PAX3: variants seen among roughly 807,000 people sequenced by gnomAD.
PAX3 encodes the protein paired box protein Pax-3.
Under a neutral mutation model 51.6 loss-of-function variants are expected in PAX3, and 14 were observed. The observed-to-expected ratio is 0.27, with a 90% confidence interval of 0.18 to 0.42. PAX3 has a LOEUF of 0.42. Ranked by LOEUF, PAX3 falls within the 10% of genes least tolerant of loss-of-function variation. The pLI, the probability that PAX3 is intolerant of heterozygous loss-of-function variation, is 1.00. For synonymous variants in PAX3, 280 were observed against 253.4 expected (o/e 1.11, Z -1.00); for missense variants, 540 against 642.8 (o/e 0.84, Z 1.73).
intron 4 of PAX3, among the ~76,000 whole-genome samples, chr2:222,290,101 C>A (rs1191098627): frequency 2.0e-5 from 3 of 152,224 alleles, no homozygotes; most frequent in Admixed American, 1.3e-4. Flanking sequence ...GCTCACTAAC[C>A]GGGAAAGAAA....
chr2:222,201,529 A>C (rs1195277186), intron 8 of PAX3, 87 bp from the exon 9 acceptor site: 32 of 1,527,258 alleles, frequency 2.1e-5, no homozygotes, highest in Non-Finnish European at 2.9e-5. Flanking sequence ...ACAATGTCAT[A>C]TTTAATACCG....
At chr2:222,203,359 T>C (rs1287869065) in intron 7 of PAX3, among the ~76,000 whole-genome samples, 1 of 151,998 alleles carries the variant, frequency 6.6e-6, no homozygotes, top group African/African-American at 2.4e-5. Context: ...AAAAGAAATC[T>C]AACGCCAGGT....
intron 4 of PAX3, among the ~76,000 whole-genome samples, chr2:222,240,664 CGTACCTGTTT>C (rs796568219): frequency 2.3e-4 from 35 of 152,254 alleles, no homozygotes; most frequent in African/African-American, 6.5e-4. Flanking sequence ...CCCACCAACC[CGTACCTGTTT>C]AAGCAACTCC....
chr2:222,219,140 C>T (rs560160612), intron 7 of PAX3, among the ~76,000 whole-genome samples: 22 of 152,246 alleles, frequency 1.4e-4, no homozygotes, highest in African/African-American at 5.1e-4. Context: ...GCTTAGGCAG[C>T]GGTGATAGTC....
At chr2:222,294,754 C>G (rs1238229331) in intron 3 of PAX3, among the ~76,000 whole-genome samples, 1 of 96,384 alleles carries the variant, frequency 1.0e-5, no homozygotes, top group Admixed American at 1.2e-4. Flanking sequence ...GCCGACTTGT[C>G]CGCGCCCCCC....
chr2:222,296,899 G>T, intron 2 of PAX3, 79 bp downstream of exon 2: 1 of 1,183,998 alleles, frequency 8.4e-7, no homozygotes, highest in African/African-American at 1.5e-5. Context: ...CCAGATGTCA[G>T]CCGTTACCCC....
chr2:222,253,730 A>C (rs1160489527), intron 4 of PAX3, among the ~76,000 whole-genome samples: 1 of 151,900 alleles, frequency 6.6e-6, no homozygotes, highest in African/African-American at 2.4e-5. Context: ...AGCTCACTGC[A>C]GCCTCAAACT....
intron 4 of PAX3, chr2:222,264,603 A>C (rs1488395917): frequency 1.3e-5 from 2 of 152,260 alleles, no homozygotes; most frequent in Non-Finnish European, 2.9e-5. Flanking sequence ...TGATAATTTC[A>C]AAAAATAAAT....
At chr2:222,285,500 T>A (rs1694801500) in intron 4 of PAX3, among the ~76,000 whole-genome samples, 1 of 152,222 alleles carries the variant, frequency 6.6e-6, no homozygotes, top group African/African-American at 2.4e-5. Context: ...ATTTTCTGTA[T>A]ATATGCACAT....
Position 222,220,355 on chromosome 2 carries a change from C to G in PAX3, c.959-1G>C, listed in dbSNP as rs1370978465. 4 of 1,613,642 alleles carry G rather than the reference C, an allele frequency of 2.5e-6. No individual in the cohort carries two copies. Among genetic ancestry groups the G allele is most frequent in the African/African-American group, 2.7e-5 (2 of 74,882 alleles). On this transcript the variant is annotated splice_acceptor_variant, in intron 6 of 8. Coordinates refer to ENST00000392070, the MANE Select transcript of PAX3 (RefSeq NM_181458.4). LOFTEE classifies it high-confidence loss of function. Reference sequence around the variant, plus strand: ...ACGGTGCTGCTGGGATCTGACACAGCTGAAATGAAAAAGATTGTCAACCAT... The same window carrying G: ...ACGGTGCTGCTGGGATCTGACACAGGTGAAATGAAAAAGATTGTCAACCAT...
intron 4 of PAX3, among the ~76,000 whole-genome samples, chr2:222,248,830 T>G (rs896097888): frequency 1.3e-5 from 2 of 152,028 alleles, no homozygotes; most frequent in African/African-American, 4.8e-5. Flanking sequence ...TGTGGTAAAG[T>G]TTAGTGGTTA....
chr2:222,259,559 G>A (rs1235379202), intron 4 of PAX3, among the ~76,000 whole-genome samples: 1 of 152,164 alleles, frequency 6.6e-6, no homozygotes, highest in Admixed American at 6.5e-5. Flanking sequence ...AACACCGGTT[G>A]TGTTTAAAGA....
chr2:222,201,754 T>C (rs1691301001), intron 8 of PAX3, 190 bp downstream of exon 8: 4 of 1,478,132 alleles, frequency 2.7e-6, no homozygotes, highest in South Asian at 1.4e-5. Context: ...CAAGATGTTG[T>C]TGACATCAGT....
At chr2:222,293,936 A>G in intron 4 of PAX3, 14 of 1,532,988 alleles carry the variant, frequency 9.1e-6, no homozygotes, top group Non-Finnish European at 1.2e-5. Context: ...GAAAGTGGTT[A>G]AGAAAGAAAG....
At chr2:222,272,366 G>A (rs896560112) in intron 4 of PAX3, among the ~76,000 whole-genome samples, 2 of 152,200 alleles carry the variant, frequency 1.3e-5, no homozygotes, top group Non-Finnish European at 2.9e-5. Flanking sequence ...GGAAGAAAAT[G>A]TGATCTAAAC....
chr2:222,294,097 C>G (rs1181396496), intron 4 of PAX3, 70 bp downstream of exon 4: 2 of 1,606,012 alleles, frequency 1.2e-6, no homozygotes, highest in Admixed American at 1.7e-5. Flanking sequence ...GCCGTCAGAT[C>G]ACCAATGTCA....
intron 4 of PAX3, among the ~76,000 whole-genome samples, chr2:222,286,838 C>G (rs1370408670): frequency 6.6e-6 from 1 of 152,158 alleles, no homozygotes; most frequent in Non-Finnish European, 1.5e-5. Context: ...ATTTATAACA[C>G]CTATTATTCC....
chr2:222,283,343 G>T (rs770465419), intron 4 of PAX3, among the ~76,000 whole-genome samples: 4 of 152,160 alleles, frequency 2.6e-5, no homozygotes, highest in Admixed American at 6.5e-5. Flanking sequence ...TTTAAAAAGA[G>T]AGAGAAATGT....
At chr2:222,279,772 TA>T (rs1263978815) in intron 4 of PAX3, among the ~76,000 whole-genome samples, 8 of 152,160 alleles carry the variant, frequency 5.3e-5, no homozygotes, top group African/African-American at 1.9e-4. Flanking sequence ...CTAGTAACAT[TA>T]AATTATAGTA....
Sources: allele counts gnomAD v4.1 joint callset (sites outside exome capture counted in the v4.1 genomes callset), GRCh38; gene constraint gnomAD v4.1.1; transcripts MANE v1.5; gene names NCBI Gene and HGNC (gene_info 2026-07-23, HGNC 2026-07-21).